The following XYLT1 variants were observed in gnomAD, a reference collection of about 807,000 sequenced individuals.
XYLT1 encodes xylosyltransferase 1.
XYLT1 carries 36 observed loss-of-function variants against 91.3 expected under a neutral mutation model. That is an observed-to-expected ratio of 0.39 (90% CI 0.30 to 0.52). The LOEUF is 0.52. Ranked by LOEUF, XYLT1 falls within the 20% of genes least tolerant of loss-of-function variation. The probability of loss-of-function intolerance (pLI) is 0.68; values close to 1 mark genes in which losing one functional copy is unlikely to be tolerated. For synonymous variants in XYLT1, 588 were observed against 532.0 expected, an observed-to-expected ratio of 1.11 and a Z score of -1.45; for missense variants, 1,242 against 1,284.5, an observed-to-expected ratio of 0.97 and a Z score of 0.51.
chr16:17,166,719 G>A (rs535367176), intron 5 of XYLT1, among the ~76,000 whole-genome samples: 62 of 148,922 alleles, frequency 4.2e-4, no homozygotes, highest in African/African-American at 1.5e-3. Context: ...ATGGGGTTTC[G>A]TCATGTTGGC....
At position 17,248,253 on chromosome 16, in the gene XYLT1, C is replaced by T. The variant is rs575065635; in HGVS notation, c.913+10735G>A. 5.9e-5 allele frequency among the ~76,000 whole-genome samples: 9 copies of T among 152,274 alleles called. No homozygotes were observed. The South Asian group carries it at 6.2e-4, about 11-fold the overall frequency. On this transcript the variant is annotated intron_variant, in intron 3 of 11. Coordinates refer to ENST00000261381, the MANE Select transcript of XYLT1 (RefSeq NM_022166.4). ...ACACTATAAGATGTCTTTTGCCTTC[C>T]GCCATGATTTTGAGGCCTCCTCGGC...
chr16:17,219,308 GA>G (rs1180237821), intron 3 of XYLT1, among the ~76,000 whole-genome samples: 9 of 135,166 alleles, frequency 6.7e-5, no homozygotes, highest in Non-Finnish European at 1.1e-4. Flanking sequence ...AAAAGAAAAA[GA>G]AAAAAAAAGA....
chr16:17,154,338 C>G (rs948529357), intron 6 of XYLT1, among the ~76,000 whole-genome samples: 1 of 152,096 alleles, frequency 6.6e-6, no homozygotes, highest in African/African-American at 2.4e-5. Context: ...ACATGGGGGC[C>G]CTGGTGACCC....
chr16:17,424,609 G>A (rs766495538), intron 1 of XYLT1, among the ~76,000 whole-genome samples: 2 of 152,086 alleles, frequency 1.3e-5, no homozygotes, highest in Non-Finnish European at 2.9e-5. Context: ...GGTGGCTCAT[G>A]CCGTGATCCC....
chr16:17,374,641 AG>A (rs2035573530), intron 1 of XYLT1, among the ~76,000 whole-genome samples: 2 of 112,826 alleles, frequency 1.8e-5, no homozygotes, highest in Non-Finnish European at 3.6e-5. Flanking sequence ...TATTACAGAC[AG>A]AAAAAAAAAA....
intron 5 of XYLT1, among the ~76,000 whole-genome samples, chr16:17,180,294 T>C (rs1403145905): frequency 2.0e-5 from 3 of 152,176 alleles, no homozygotes; most frequent in Non-Finnish European, 4.4e-5. Flanking sequence ...AATGGGACTA[T>C]TTAGCTGTAG....
At chr16:17,171,613 G>A (rs181808200) in intron 5 of XYLT1, among the ~76,000 whole-genome samples, 5 of 152,314 alleles carry the variant, frequency 3.3e-5, no homozygotes, top group Admixed American at 3.3e-4. Context: ...TTAAACAGAG[G>A]ACACAGGCCT....
chr16:17,299,328 T>G (rs1442145793), intron 2 of XYLT1, among the ~76,000 whole-genome samples: 1 of 151,968 alleles, frequency 6.6e-6, no homozygotes, highest in Non-Finnish European at 1.5e-5. Flanking sequence ...GAAGAGGGGG[T>G]GGCAGTAAGC....
intron 1 of XYLT1, among the ~76,000 whole-genome samples, chr16:17,448,676 G>T (rs1368427791): frequency 8.8e-6 from 1 of 113,982 alleles, no homozygotes; most frequent in Non-Finnish European, 1.7e-5. Flanking sequence ...AGATGAGGGT[G>T]AGGGGAGGTG....
In XYLT1 at chr16:17,470,539, T is replaced by A; in HGVS notation, c.258A>T (p.Gly86=). The A allele has an allele frequency of 1.6e-6, 2 of 1,220,182 alleles. No individual in the cohort carries two copies. The highest frequency in any genetic ancestry group is 1.0e-6 in the Non-Finnish European group (1 of 981,400). The allele number at this position is 1,220,182 out of a possible 1,614,324, so 75.6% of individuals were successfully genotyped here. The change falls in exon 1 of 12, where the codon GGA becomes GGT. Residue 86 remains glycine, a synonymous_variant. Transcript: ENST00000261381. ...AARGGGGGGG[G]GGGGRGPQAR... is the part of the protein sequence containing the mutation. ...CCTGGGGCCCCCGTCCTCCTCCTCC[T>A]CCGCCGCCGCCTCCTCCTCCTCCTC...
intron 1 of XYLT1, among the ~76,000 whole-genome samples, chr16:17,448,750 G>A (rs754139616): frequency 6.6e-6 from 1 of 152,052 alleles, no homozygotes; most frequent in Non-Finnish European, 1.5e-5. Context: ...GGAGGAGGAG[G>A]AGGGCAGAGG....
chr16:17,259,176 G>C lies in XYLT1; in HGVS notation c.725C>G (p.Thr242Ser), dbSNP rs2033681839. 2.5e-6 allele frequency: 4 copies of C among 1,600,302 alleles called. No individual in the cohort carries two copies. Among genetic ancestry groups the C allele is most frequent in the South Asian group, 2.2e-5 (2 of 90,086 alleles). Residue 242 changes from threonine (T) to serine (S), a missense_variant, in exon 3 of 12, where the codon ACT (threonine) becomes AGT (serine). By Grantham distance (58) the Thr-to-Ser change is moderately conservative. Around this residue, in one of 3 missense-constraint regions of XYLT1, gnomAD observed 437 missense variants for 411.5 expected, o/e 1.06. Transcript: ENST00000261381. ...CTTGGTCTCGGGGGAGCTGCCCCCA[G>C]TTTTCCTGGCATGAGGCGGTCTGGA... ...DVSRPPHARKTGGSSPETKYD... is the reference protein window; with the variant it reads ...DVSRPPHARKSGGSSPETKYD...
At chr16:17,411,302 C>T (rs2036104642) in intron 1 of XYLT1, among the ~76,000 whole-genome samples, 1 of 152,148 alleles carries the variant, frequency 6.6e-6, no homozygotes. Context: ...TTATAACCCC[C>T]TTCATGGTGG....
At chr16:17,401,864 C>T (rs1396524342) in intron 1 of XYLT1, among the ~76,000 whole-genome samples, 2 of 151,958 alleles carry the variant, frequency 1.3e-5, no homozygotes, top group African/African-American at 4.8e-5. Flanking sequence ...AAGATATTTA[C>T]AACATTATTT....
At chr16:17,408,698 T>C (rs1209972121) in intron 1 of XYLT1, among the ~76,000 whole-genome samples, 3 of 152,042 alleles carry the variant, frequency 2.0e-5, no homozygotes, top group African/African-American at 7.2e-5. Flanking sequence ...ATACAAAAAT[T>C]AGCTGGGCGT....
chr16:17,216,949 G>T (rs2032872323), intron 3 of XYLT1, among the ~76,000 whole-genome samples: 1 of 152,238 alleles, frequency 6.6e-6, no homozygotes, highest in African/African-American at 2.4e-5. Flanking sequence ...ATTTGGTTTT[G>T]CTCCTAGAGG....
chr16:17,227,382 G>C (rs182512667), intron 3 of XYLT1: 1 of 152,464 alleles, frequency 6.6e-6, no homozygotes, highest in Non-Finnish European at 1.5e-5. Flanking sequence ...AGCTCAGGAC[G>C]GCTGGGAGGT....
At chr16:17,399,780 C>T (rs2141899927) in intron 1 of XYLT1, among the ~76,000 whole-genome samples, 1 of 152,280 alleles carries the variant, frequency 6.6e-6, no homozygotes, top group South Asian at 2.1e-4. Context: ...GGCCCTCGCC[C>T]CCAACTCCAG....
intron 5 of XYLT1, among the ~76,000 whole-genome samples, chr16:17,197,209 T>C (rs2032446838): frequency 1.3e-5 from 2 of 151,776 alleles, no homozygotes; most frequent in Admixed American, 1.3e-4. Context: ...AACCCTGCTG[T>C]TCCTCGCACA....
Sources: allele counts gnomAD v4.1 joint callset (sites outside exome capture counted in the v4.1 genomes callset), GRCh38; gene constraint gnomAD v4.1.1; regional missense constraint gnomAD v4.1.1; transcripts MANE v1.5; gene names NCBI Gene and HGNC (gene_info 2026-07-23, HGNC 2026-07-21).